Variants in ANO2 observed in about 807,000 individuals in gnomAD.
ANO2 encodes the protein anoctamin 2.
In ANO2, 101 loss-of-function variants were observed where a neutral mutation model predicts 124.2. The observed-to-expected ratio is 0.81, with a 90% CI of 0.69 to 0.96. ANO2 has a LOEUF of 0.96. ANO2 is among the 40% of genes least tolerant of loss of function. The probability of loss-of-function intolerance (pLI) is 0.00; values close to 1 mark genes in which losing one functional copy is unlikely to be tolerated. For synonymous variants in ANO2, 486 were observed against 482.5 expected, an observed-to-expected ratio of 1.01 and a Z score of -0.09; for missense variants, 1,293 against 1,274.5, an observed-to-expected ratio of 1.01 and a Z score of -0.22.
chr12:5,564,215 C>T (rs1422020455), intron 24 of ANO2, among the ~76,000 whole-genome samples: 1 of 152,198 alleles, frequency 6.6e-6, no homozygotes, highest in African/African-American at 2.4e-5. Context: ...CAGCTTGCCC[C>T]GATTGGGTCT....
chr12:5,771,025 A>G (rs750059234), intron 10 of ANO2, among the ~76,000 whole-genome samples: 5 of 152,194 alleles, frequency 3.3e-5, no homozygotes, highest in South Asian at 2.1e-4. Context: ...CCTCATGACA[A>G]TGATCACTAC....
At chr12:5,905,125 C>T (rs1432332654) in intron 3 of ANO2, among the ~76,000 whole-genome samples, 1 of 152,100 alleles carries the variant, frequency 6.6e-6, no homozygotes, top group African/African-American at 2.4e-5. Flanking sequence ...CCCTCACTGG[C>T]AGCAAGGGTT....
intron 4 of ANO2, among the ~76,000 whole-genome samples, chr12:5,847,445 CTGTGTGTGTGTGTG>C (rs35366359): frequency 1.4e-5 from 2 of 144,780 alleles, no homozygotes; most frequent in African/African-American, 5.2e-5. Context: ...CATAACACCT[CTGTGTGTGTGTGTG>C]TGTGTGTGTG....
chr12:5,665,975 TCTTTA>T (rs1947695509), intron 14 of ANO2, among the ~76,000 whole-genome samples: 6 of 152,078 alleles, frequency 3.9e-5, no homozygotes, highest in Admixed American at 3.9e-4. Context: ...ACAAGGCAAC[TCTTTA>T]CTTAGTGAAC....
intron 14 of ANO2, among the ~76,000 whole-genome samples, chr12:5,704,689 G>A (rs956378808): frequency 1.6e-5 from 2 of 125,560 alleles, no homozygotes; most frequent in African/African-American, 3.6e-5. Context: ...TAAGTGCTTG[G>A]TGTGTGTATG....
intron 22 of ANO2, among the ~76,000 whole-genome samples, chr12:5,577,268 G>GT (rs1285043865): frequency 1.3e-5 from 2 of 152,256 alleles, no homozygotes; most frequent in Non-Finnish European, 2.9e-5. Context: ...TCAAATCACT[G>GT]TTTGCCTCCC....
At chr12:5,668,245 C>A (rs1362416525) in intron 14 of ANO2, among the ~76,000 whole-genome samples, 1 of 152,202 alleles carries the variant, frequency 6.6e-6, no homozygotes, top group Non-Finnish European at 1.5e-5. Flanking sequence ...AGTAGCTATT[C>A]TGACTGGTGT....
At position 5,640,007 on chromosome 12, in the gene ANO2, A is replaced by G. The variant is rs528821163; in HGVS notation, c.1621-4660T>C. 3.9e-5 allele frequency among the ~76,000 whole-genome samples: 6 copies of G among 152,276 alleles called. No individual in the cohort carries two copies. The East Asian group carries it at 1.2e-3, about 29-fold the overall frequency. ...TAGAGGAGGGACATCGCCTCCGACA[A>G]TTCCCCCCTTACAAGAAGAAAACAG... On this transcript the variant is annotated intron_variant, in intron 15 of 24. Transcript: ENST00000682330.
intron 3 of ANO2, among the ~76,000 whole-genome samples, chr12:5,859,875 A>G (rs541060555): frequency 1.3e-5 from 2 of 152,214 alleles, no homozygotes; most frequent in South Asian, 4.1e-4. Flanking sequence ...GGTTTCCCAG[A>G]CCTGTCCTCC....
At chr12:5,793,543 T>G (rs991302410) in intron 10 of ANO2, among the ~76,000 whole-genome samples, 1 of 152,204 alleles carries the variant, frequency 6.6e-6, no homozygotes. Flanking sequence ...GGGCATGACA[T>G]AAGCTGATCA....
At chr12:5,923,734 TG>T (rs1250664568) in intron 1 of ANO2, among the ~76,000 whole-genome samples, 6 of 152,190 alleles carry the variant, frequency 3.9e-5, no homozygotes, top group Admixed American at 6.5e-5. Context: ...TGGAGGGAAC[TG>T]AGAGAGTAGA....
At chr12:5,815,972 AC>A (rs1953596052) in intron 7 of ANO2, among the ~76,000 whole-genome samples, 1 of 152,178 alleles carries the variant, frequency 6.6e-6, no homozygotes, top group Non-Finnish European at 1.5e-5. Flanking sequence ...CCAAGTTATT[AC>A]TATCTTTAGT....
chr12:5,873,243 C>CTCTCTCTG (rs1565739375), intron 3 of ANO2, among the ~76,000 whole-genome samples: 3 of 132,764 alleles, frequency 2.3e-5, no homozygotes, highest in Non-Finnish European at 5.0e-5. Flanking sequence ...CTCTCTCTCT[C>CTCTCTCTG]TCTGTCTGTC....
chr12:5,705,753 T>C (rs1014517639), intron 14 of ANO2, among the ~76,000 whole-genome samples: 1 of 152,222 alleles, frequency 6.6e-6, no homozygotes, highest in Admixed American at 6.5e-5. Context: ...AATCCTGATG[T>C]TTTTGCTTCT....
At position 5,769,915 on chromosome 12, in the gene ANO2, C is replaced by T. The variant is rs1436164310; in HGVS notation, c.1056-18945G>A. ...GCAGTGTGGTCTATGTTTGAGCCTCCACTAACCCCTCGGCTGGGCACCTAT... is the reference window on the plus strand; with the variant it reads ...GCAGTGTGGTCTATGTTTGAGCCTCTACTAACCCCTCGGCTGGGCACCTAT... On this transcript the variant is annotated intron_variant, in intron 10 of 24. Coordinates refer to ENST00000682330, the MANE Select transcript of ANO2 (RefSeq NM_001364791.2). The surrounding 1 kb of genome is among the most constrained non-coding windows in gnomAD (Gnocchi z 4.0). 1.3e-5 allele frequency among the ~76,000 whole-genome samples: 2 copies of T among 152,192 alleles called. No homozygotes were observed. Among genetic ancestry groups the T allele is most frequent in the African/African-American group, 4.8e-5 (2 of 41,442 alleles).
chr12:5,614,044 C>A (rs772634353), intron 17 of ANO2, among the ~76,000 whole-genome samples: 1 of 152,156 alleles, frequency 6.6e-6, no homozygotes, highest in Non-Finnish European at 1.5e-5. Context: ...GATGACAGCT[C>A]GTGCTATTAG....
At chr12:5,773,980 C>T (rs561038214) in intron 10 of ANO2, among the ~76,000 whole-genome samples, 69 of 152,288 alleles carry the variant, frequency 4.5e-4, no homozygotes, top group African/African-American at 1.6e-3. Flanking sequence ...TTTAAAAACT[C>T]CAAAGCAGAG....
chr12:5,859,574 C>T (rs1318748646), intron 3 of ANO2, among the ~76,000 whole-genome samples: 1 of 151,792 alleles, frequency 6.6e-6, no homozygotes, highest in Non-Finnish European at 1.5e-5. Context: ...CTTGCTTTGT[C>T]TCCCAGGCTG....
rs1292572821 is a variant in ANO2, at chr12:5,732,622, G to A, written c.1443C>T (p.Ser481=). 5 of 1,613,246 alleles carry A rather than the reference G, an allele frequency of 3.1e-6. No individual in the cohort carries two copies. The African/African-American group carries it at 5.3e-5, about 17-fold the overall frequency. The change falls in exon 14 of 25, where the codon TCC becomes TCT. Residue 481 remains serine (S), a synonymous_variant. Coordinates refer to ENST00000682330, the MANE Select transcript of ANO2 (RefSeq NM_001364791.2). ...LTGIEEEEEH[S]RPEYETKVRE... ...GAACTTTGGTTTCATACTCAGGCCTGGAATGTTCCTAAACCAAAGAGCAGT... is the reference window on the plus strand; with the variant it reads ...GAACTTTGGTTTCATACTCAGGCCTAGAATGTTCCTAAACCAAAGAGCAGT...
Sources: gnomAD v4.1 joint callset for allele counts (sites outside exome capture counted in the v4.1 genomes callset) on GRCh38, gnomAD v4.1.1 for gene constraint, Gnocchi (gnomAD v3.1) non-coding constraint, MANE v1.5 for transcripts, NCBI Gene and HGNC (gene_info 2026-07-23, HGNC 2026-07-21) for gene names.